The following DTL variants were observed in gnomAD, a reference collection of about 807,000 sequenced individuals.
The protein encoded by DTL is denticleless protein homolog.
In DTL, 46 loss-of-function variants were observed where a neutral mutation model predicts 87.0. The observed-to-expected ratio is 0.53, with a 90% CI of 0.42 to 0.68. The LOEUF (loss-of-function observed/expected upper bound fraction) is 0.68, where lower values mean the gene tolerates loss of function less well. Ranked by LOEUF, DTL falls within the 30% of genes least tolerant of loss-of-function variation. DTL has a pLI of 0.00. For synonymous variants in DTL, 308 were observed against 311.2 expected (o/e 0.99, Z 0.11); for missense variants, 737 against 869.4 (o/e 0.85, Z 1.91).
rs866848407 is a variant in DTL, at chr1:212,100,774, A to G, written c.1784A>G (p.Gln595Arg). ...HLDLCCLAGNQEDLSKDSLGP... is the reference protein window; with the variant it reads ...HLDLCCLAGNREDLSKDSLGP... ...GATCTGTGCTGCCTTGCTGGTAACC[A>G]GGAAGACCTTAGTAAGGACTCTCTA... Residue 595 changes from glutamine (Q) to arginine (R), a missense_variant, in exon 14 of 15, where the codon CAG becomes CGG. By Grantham distance (43) the Gln-to-Arg change is conservative. Transcript: ENST00000366991. The G allele has an allele frequency of 6.2e-7, 1 of 1,614,194 alleles. No individual in the cohort carries two copies.
chr1:212,104,917 A>T lies in DTL; in HGVS notation c.*1977A>T, dbSNP rs1046479157. 3 of 152,212 alleles carry T rather than the reference A, an allele frequency of 2.0e-5. No individual in the cohort carries two copies. Among genetic ancestry groups the T allele is most frequent in the African/African-American group, 7.2e-5 (3 of 41,446 alleles). The allele number at this position is 152,212 out of a possible 1,614,324, so 9.4% of individuals were successfully genotyped here. ...CAAAAAAGAACTATAGTAGTCAAGAATCCCTTCTACTTGTTCATTAAAATG... is the reference window on the plus strand; with the variant it reads ...CAAAAAAGAACTATAGTAGTCAAGATTCCCTTCTACTTGTTCATTAAAATG... On this transcript the variant is annotated 3_prime_UTR_variant, in exon 15 of 15. Transcript: ENST00000366991.
chr1:212,047,544 C>A (rs1667842052), intron 5 of DTL, 127 bp downstream of exon 5: 2 of 1,300,928 alleles, frequency 1.5e-6, no homozygotes, highest in South Asian at 1.4e-5. Context: ...GATTAAGATT[C>A]TTTTTTTGGA....
intron 5 of DTL, chr1:212,051,575 A>G (rs1571946433): frequency 3.8e-6 from 3 of 784,854 alleles, no homozygotes; most frequent in Admixed American, 2.0e-5. Flanking sequence ...GCTCCTTCCC[A>G]TTGGTTCTCA....
intron 13 of DTL, among the ~76,000 whole-genome samples, chr1:212,083,838 G>T (rs950570946): frequency 6.6e-6 from 1 of 152,182 alleles, no homozygotes; most frequent in Non-Finnish European, 1.5e-5. Context: ...CAACCTTGTG[G>T]AATGCTCACT....
intron 6 of DTL, among the ~76,000 whole-genome samples, chr1:212,063,277 T>A (rs570113789): frequency 4.0e-5 from 6 of 151,404 alleles, no homozygotes; most frequent in South Asian, 2.1e-4. Context: ...TTAAGAATTT[T>A]TTTTATTTTA....
At chr1:212,037,983 A>G (rs1667536933) in intron 1 of DTL, among the ~76,000 whole-genome samples, 1 of 152,214 alleles carries the variant, frequency 6.6e-6, no homozygotes. Context: ...ATTCCAGCTC[A>G]GGGCTGTGGG....
intron 13 of DTL, among the ~76,000 whole-genome samples, chr1:212,089,967 G>A (rs1189709165): frequency 6.6e-6 from 1 of 152,130 alleles, no homozygotes; most frequent in East Asian, 1.9e-4. Context: ...TGGAACAGAT[G>A]ACTGTGGCAG....
intron 5 of DTL, among the ~76,000 whole-genome samples, chr1:212,050,160 G>A (rs967823128): frequency 2.0e-5 from 3 of 152,118 alleles, no homozygotes; most frequent in Non-Finnish European, 4.4e-5. Context: ...AATAGAGTGA[G>A]ACCCAGTCTC....
intron 2 of DTL, among the ~76,000 whole-genome samples, chr1:212,043,369 G>C (rs189904108): frequency 1.3e-5 from 2 of 152,148 alleles, no homozygotes; most frequent in Non-Finnish European, 2.9e-5. Context: ...ATATAAGGAA[G>C]GGGTTGCAAA....
In DTL at chr1:212,104,085, A is replaced by T. The variant is rs1052401555; in HGVS notation, c.*1145A>T. 6.6e-5 allele frequency: 10 copies of T among 152,198 alleles called. No individual in the cohort carries two copies. Among genetic ancestry groups the T allele is most frequent in the African/African-American group, 2.4e-4 (10 of 41,462 alleles). The allele number at this position is 152,198 out of a possible 1,614,324, so 9.4% of individuals were successfully genotyped here. ...AAATATCTTAAACATCCCTCCCCTT[A>T]TTCAACAATTATGTATCAGTGATCT... On this transcript the variant is annotated 3_prime_UTR_variant, in exon 15 of 15. Transcript: ENST00000366991.
At chr1:212,078,885 A>G (rs990405448) in intron 12 of DTL, among the ~76,000 whole-genome samples, 41 of 152,212 alleles carry the variant, frequency 2.7e-4, no homozygotes, top group African/African-American at 9.6e-4. Flanking sequence ...TGCATATAAT[A>G]GTAGCTCAAG....
In DTL at chr1:212,103,825, A is replaced by T. The variant is rs1314217308; in HGVS notation, c.*885A>T. ...TTAGGGGCTGCAATGTTTTAAAAAA[A>T]ATAAGTCATCAGATTTTAAGAAAAA... On this transcript the variant is annotated 3_prime_UTR_variant, in exon 15 of 15. Transcript: ENST00000366991. The T allele has an allele frequency of 6.6e-6, 1 of 152,220 alleles. No individual in the cohort carries two copies. Among genetic ancestry groups the T allele is most frequent in the Non-Finnish European group, 1.5e-5 (1 of 68,032 alleles). The allele number at this position is 152,220 out of a possible 1,614,324, so 9.4% of individuals were successfully genotyped here. A position where few individuals can be genotyped will look rare whatever the true frequency, so the allele number is the denominator to read the frequency against.
At chr1:212,070,667 T>C (rs1033196401) in intron 10 of DTL, among the ~76,000 whole-genome samples, 1 of 152,006 alleles carries the variant, frequency 6.6e-6, no homozygotes, top group Non-Finnish European at 1.5e-5. Context: ...GTCTTGTAAT[T>C]ACTTGTCCTT....
chr1:212,053,112 C>A (rs185874359), intron 5 of DTL, among the ~76,000 whole-genome samples: 1 of 152,206 alleles, frequency 6.6e-6, no homozygotes, highest in African/African-American at 2.4e-5. Flanking sequence ...TTTAATTTAG[C>A]CTAATGTTCA....
At chr1:212,044,610 A>G (rs1449392020) in intron 2 of DTL, 50 bp from the exon 3 acceptor site, 1 of 1,278,358 alleles carries the variant, frequency 7.8e-7, no homozygotes, top group Non-Finnish European at 1.1e-6. Context: ...CTGAAAAAAA[A>G]AAAAAAAATT....
At chr1:212,061,909 TTAGA>T (rs1194861876) in intron 5 of DTL, among the ~76,000 whole-genome samples, 2 of 151,978 alleles carry the variant, frequency 1.3e-5, no homozygotes, top group African/African-American at 2.4e-5. Flanking sequence ...AAGCATAAAG[TTAGA>T]TAGAAGGTGT....
At position 212,044,667 on chromosome 1, in the gene DTL, T is replaced by C. The variant is rs770473192; in HGVS notation, c.186T>C (p.Asn62=). The C allele has an allele frequency of 1.2e-5, 19 of 1,597,410 alleles. No individual in the cohort carries two copies. The highest frequency in any genetic ancestry group is 1.7e-5 in the Admixed American group (1 of 58,786). Residue 62 remains asparagine (N), a synonymous_variant, in exon 3 of 15, where the codon AAT becomes AAC. Coordinates refer to ENST00000366991, the MANE Select transcript of DTL (RefSeq NM_016448.4). ...PFGCTFSSAP[N]MEHVLAVANE... is the part of the protein sequence containing the mutation. ...TCTTTATTTCTGCTTTAGCTCCCAA[T>C]ATGGAACATGTACTAGCAGTTGCCA...
At chr1:212,082,615 G>T (rs1391038585) in intron 13 of DTL, among the ~76,000 whole-genome samples, 1 of 152,136 alleles carries the variant, frequency 6.6e-6, no homozygotes, top group Non-Finnish European at 1.5e-5. Context: ...ATATAAGCAT[G>T]GTGCAGGTAG....
chr1:212,070,614 A>G (rs1654642443), intron 10 of DTL, among the ~76,000 whole-genome samples: 1 of 150,042 alleles, frequency 6.7e-6, no homozygotes, highest in South Asian at 2.1e-4. Context: ...CTGTCTCAAA[A>G]AAAAAAAACT....
Sources: gnomAD v4.1 joint callset for allele counts (sites outside exome capture counted in the v4.1 genomes callset) on GRCh38, gnomAD v4.1.1 for gene constraint, MANE v1.5 for transcripts, NCBI Gene and HGNC (gene_info 2026-07-23, HGNC 2026-07-21) for gene names.